C21orf91: variants seen among roughly 807,000 people sequenced by gnomAD.
The protein encoded by C21orf91 is chromosome 21 open reading frame 91.
Under a neutral mutation model 32.9 loss-of-function variants are expected in C21orf91, and 26 were observed. That is an observed-to-expected ratio of 0.79 (90% CI 0.58 to 1.10). The LOEUF (loss-of-function observed/expected upper bound fraction) is 1.10, where lower values mean the gene tolerates loss of function less well. Among genes scored for constraint, C21orf91 ranks in the 50% least tolerant of loss-of-function variants. C21orf91 has a pLI of 0.00. For synonymous variants in C21orf91, 126 were observed against 120.4 expected (o/e 1.05, Z -0.31); for missense variants, 310 against 341.3 (o/e 0.91, Z 0.72).
At chr21:17,818,371 C>CA in intron 1 of C21orf91, 46 bp from the exon 2 acceptor site, 1 of 1,537,526 alleles carries the variant, frequency 6.5e-7, no homozygotes, top group South Asian at 1.2e-5. Context: ...CATGAACCTG[C>CA]CTTTGGGGTA....
intron 2 of C21orf91, among the ~76,000 whole-genome samples, chr21:17,808,671 A>G (rs989929394): frequency 6.6e-6 from 1 of 152,180 alleles, no homozygotes; most frequent in Non-Finnish European, 1.5e-5. Context: ...GACAGAAAGG[A>G]CTTGCTGTCT....
At chr21:17,799,176 A>G (rs1403568092) in intron 2 of C21orf91, among the ~76,000 whole-genome samples, 2 of 152,188 alleles carry the variant, frequency 1.3e-5, no homozygotes, top group Non-Finnish European at 2.9e-5. Context: ...AGAAACTCCG[A>G]TAAAAAAGTA....
At chr21:17,804,136 G>A (rs17757118) in intron 2 of C21orf91, among the ~76,000 whole-genome samples, 4,981 of 152,130 alleles carry the variant, frequency 0.033, 126 homozygotes, top group Non-Finnish European at 0.05. Context: ...TGCTCAATTC[G>A]ACTAGACTAC....
At chr21:17,811,814 T>C (rs1568756034) in intron 2 of C21orf91, among the ~76,000 whole-genome samples, 1 of 152,178 alleles carries the variant, frequency 6.6e-6, no homozygotes, top group Admixed American at 6.5e-5. Flanking sequence ...ATTATGATAT[T>C]CTTATTAACA....
chr21:17,809,658 A>G (rs1006681132), intron 2 of C21orf91, among the ~76,000 whole-genome samples: 2 of 152,268 alleles, frequency 1.3e-5, no homozygotes, highest in Admixed American at 1.3e-4. Flanking sequence ...ACATTCCAAT[A>G]TGCTATATAA....
In C21orf91 at chr21:17,793,146, CTG is replaced by C. The variant is rs1427222638; in HGVS notation, c.*267_*268del. 44 of 233,384 alleles carry C rather than the reference CTG, an allele frequency of 1.9e-4. No homozygotes were observed. The highest frequency in any genetic ancestry group is 9.7e-4 in the African/African-American group (43 of 44,376). 14.5% of individuals were successfully genotyped at this position (233,384 alleles called of 1,614,324 possible). A position where few individuals can be genotyped will look rare whatever the true frequency, so the allele number is the denominator to read the frequency against. ...AATTAAAATGTTTAATAAAATGACA[CTG>C]TAACAGTATATTTAAGTAGTCACAT... is the stretch of plus-strand genomic sequence containing the variant. On this transcript the variant is annotated 3_prime_UTR_variant, in exon 5 of 5. Coordinates refer to ENST00000284881, the MANE Select transcript of C21orf91 (RefSeq NM_001100420.2).
At chr21:17,810,533 G>T (rs929131086) in intron 2 of C21orf91, 3 of 152,242 alleles carry the variant, frequency 2.0e-5, no homozygotes, top group African/African-American at 7.2e-5. Context: ...ATAAGCAAAA[G>T]GGAGCTGCTA....
At chr21:17,813,690 T>A (rs549230579) in intron 2 of C21orf91, among the ~76,000 whole-genome samples, 30 of 152,394 alleles carry the variant, frequency 2.0e-4, no homozygotes, top group Non-Finnish European at 2.8e-4. Context: ...ATTTGTATTA[T>A]ACTTACTGGT....
intron 2 of C21orf91, among the ~76,000 whole-genome samples, chr21:17,811,644 T>C (rs2062633026): frequency 6.6e-6 from 1 of 152,190 alleles, no homozygotes. Flanking sequence ...GAGAATATTT[T>C]TGATCCAAGT....
intron 4 of C21orf91, among the ~76,000 whole-genome samples, chr21:17,794,699 A>G (rs2062505016): frequency 6.6e-6 from 1 of 152,248 alleles, no homozygotes; most frequent in Non-Finnish European, 1.5e-5. Context: ...GAGGACTCCC[A>G]CATAGTGCCT....
chr21:17,809,747 A>G (rs2062620145), intron 2 of C21orf91, among the ~76,000 whole-genome samples: 1 of 152,122 alleles, frequency 6.6e-6, no homozygotes, highest in Non-Finnish European at 1.5e-5. Context: ...TGCTAACTCC[A>G]TTATCTCTAG....
intron 2 of C21orf91, chr21:17,808,892 G>C (rs890910231): frequency 1.3e-5 from 2 of 152,206 alleles, no homozygotes; most frequent in African/African-American, 4.8e-5. Context: ...GAGGGGCTTG[G>C]TGGGAGGTGA....
chr21:17,801,350 AAGCTCCGCCTCCC>A (rs893954497), intron 2 of C21orf91, among the ~76,000 whole-genome samples: 8 of 151,386 alleles, frequency 5.3e-5, no homozygotes, highest in Non-Finnish European at 1.5e-5. Context: ...GGCTTACTGC[AAGCTCCGCCTCCC>A]AGGTTCATGT....
At chr21:17,800,769 A>C (rs183965769) in intron 2 of C21orf91, among the ~76,000 whole-genome samples, 8 of 152,368 alleles carry the variant, frequency 5.3e-5, no homozygotes, top group Admixed American at 2.0e-4. Flanking sequence ...TATTATAAAA[A>C]CATCTTTAAG....
chr21:17,804,791 G>A (rs757059361), intron 2 of C21orf91, among the ~76,000 whole-genome samples: 2 of 152,206 alleles, frequency 1.3e-5, no homozygotes, highest in Non-Finnish European at 2.9e-5. Flanking sequence ...AGAGTTCAGA[G>A]AGACAATGAT....
rs764195619 is a variant in C21orf91, at chr21:17,818,221, CAGA to C, written c.95_97del (p.Phe32del). ...AATATTTAGCTCAAAACAAATGTGG[CAGA>C]AGGAGAGTGTTTCTTTGTCTGTTCC... On this transcript the variant is annotated inframe_deletion, in exon 2 of 5. Transcript: ENST00000284881. 3.7e-6 allele frequency: 6 copies of C among 1,610,164 alleles called. No homozygotes were observed. The highest frequency in any genetic ancestry group is 3.3e-4 in the Middle Eastern group (2 of 6,074).
chr21:17,795,211 G>C lies in C21orf91; in HGVS notation c.724C>G (p.Gln242Glu), dbSNP rs2062508640. The change falls in exon 4 of 5, where the codon CAG (glutamine) becomes GAG (glutamate). Residue 242 changes from glutamine to glutamate, a missense_variant. Transcript: ENST00000284881. The part of the protein sequence containing the change: ...QLNAKLLQQI[Q>E]EVFEELTHQV... Reference sequence around the variant, plus strand: ...AAGTACTGACAGTGATTCTTACCCTGGATTTGCTGTAGGAGCTTTGCATTC... The same window carrying C: ...AAGTACTGACAGTGATTCTTACCCTCGATTTGCTGTAGGAGCTTTGCATTC... 2 of 1,605,532 alleles carry C rather than the reference G, an allele frequency of 1.2e-6. No homozygotes were observed. Among genetic ancestry groups the C allele is most frequent in the Non-Finnish European group, 1.7e-6 (2 of 1,172,562 alleles).
intron 2 of C21orf91, among the ~76,000 whole-genome samples, chr21:17,801,420 G>A (rs1203687865): frequency 4.3e-4 from 66 of 151,926 alleles, no homozygotes; most frequent in Admixed American, 2.5e-3. Context: ...ACAGGTGCCC[G>A]CCACCACGCC....
At chr21:17,799,940 A>G (rs1600878551) in intron 2 of C21orf91, among the ~76,000 whole-genome samples, 1 of 152,212 alleles carries the variant, frequency 6.6e-6, no homozygotes, top group African/African-American at 2.4e-5. Context: ...TAGAATTTGC[A>G]GTTCTGCCAG....
Sources: gnomAD v4.1 joint callset for allele counts (sites outside exome capture counted in the v4.1 genomes callset) on GRCh38, gnomAD v4.1.1 for gene constraint, MANE v1.5 for transcripts, NCBI Gene and HGNC (gene_info 2026-07-23, HGNC 2026-07-21) for gene names.